MBD5: variants seen among roughly 807,000 people sequenced by gnomAD.
MBD5 encodes methyl-CpG binding domain protein 5, also known as methyl-CpG-binding domain protein 5.
A neutral mutation model predicts 117.3 loss-of-function variants in MBD5; 13 were observed. The ratio of observed to expected loss-of-function variants is 0.11; its 90% CI spans 0.07 to 0.18. MBD5 has a LOEUF of 0.18. Ranked by LOEUF, MBD5 falls within the 10% of genes least tolerant of loss-of-function variation. The pLI is 1.00. For synonymous variants in MBD5, 727 were observed against 766.4 expected (o/e 0.95, Z 0.85); for missense variants, 1,879 against 2,093.8 (o/e 0.90, Z 2.00).
At chr2:148,195,188 A>G (rs964699348) in intron 2 of MBD5, among the ~76,000 whole-genome samples, 2 of 151,578 alleles carry the variant, frequency 1.3e-5, no homozygotes, top group African/African-American at 4.9e-5. Context: ...TAAATATAAA[A>G]ACACAGGTAG....
At chr2:148,234,404 A>G (rs2106156427) in intron 3 of MBD5, among the ~76,000 whole-genome samples, 1 of 152,282 alleles carries the variant, frequency 6.6e-6, no homozygotes, top group South Asian at 2.1e-4. Context: ...CCCAGTGTAG[A>G]GATTCTGAGT....
chr2:148,198,636 T>C (rs2105941571), intron 2 of MBD5, among the ~76,000 whole-genome samples: 1 of 152,252 alleles, frequency 6.6e-6, no homozygotes, highest in South Asian at 2.1e-4. Flanking sequence ...TTTGATTTCA[T>C]TCTATGAAAG....
At chr2:148,368,093 T>C (rs976087139) in intron 4 of MBD5, among the ~76,000 whole-genome samples, 3 of 152,174 alleles carry the variant, frequency 2.0e-5, no homozygotes, top group African/African-American at 7.2e-5. Context: ...TCGTCAGTGA[T>C]AGACTGGATT....
At chr2:148,262,243 A>G (rs1010049925) in intron 3 of MBD5, among the ~76,000 whole-genome samples, 3 of 152,158 alleles carry the variant, frequency 2.0e-5, no homozygotes, top group African/African-American at 7.2e-5. Flanking sequence ...AAGAGCAAAA[A>G]AACAAGGTGT....
intron 1 of MBD5, among the ~76,000 whole-genome samples, chr2:148,100,334 A>G (rs1049002165): frequency 5.3e-5 from 8 of 152,172 alleles, no homozygotes; most frequent in African/African-American, 1.9e-4. Flanking sequence ...GTATACTCAG[A>G]TTTTCCTATA....
chr2:148,061,675 A>G (rs532309928), intron 1 of MBD5, among the ~76,000 whole-genome samples: 8 of 151,928 alleles, frequency 5.3e-5, no homozygotes, highest in Non-Finnish European at 1.2e-4. Flanking sequence ...TACTTTGTCA[A>G]CATCTCTATT....
chr2:148,060,386 AAAAG>A (rs1000741138), intron 1 of MBD5, among the ~76,000 whole-genome samples: 1 of 152,090 alleles, frequency 6.6e-6, no homozygotes, highest in Admixed American at 6.5e-5. Context: ...TGTAAAAAAA[AAAAG>A]AACAAATTTT....
chr2:148,469,924 C>A lies in MBD5; in HGVS notation c.1981C>A (p.Gln661Lys). 2.5e-6 allele frequency: 4 copies of A among 1,613,968 alleles called. No homozygotes were observed. The highest frequency in any genetic ancestry group is 3.4e-6 in the Non-Finnish European group (4 of 1,179,898). The change falls in exon 8 of 14, where the codon CAA (glutamine) becomes AAA (lysine). Residue 661 changes from glutamine to lysine, a missense_variant. Transcript: ENST00000642680. The stretch of plus-strand genomic sequence containing the variant: ...AAAAGACGCATTGCGGAAAAGAAAA[C>A]AACCACCTACGACAGTGTTGAGTTT... Reference protein sequence around the residue: ...QQKDALRKRKQPPTTVLSLLR... With the variant: ...QQKDALRKRKKPPTTVLSLLR...
At chr2:148,377,200 G>A (rs973994812) in intron 4 of MBD5, among the ~76,000 whole-genome samples, 3 of 152,094 alleles carry the variant, frequency 2.0e-5, no homozygotes, top group Admixed American at 6.6e-5. Flanking sequence ...GGAGTCGGAT[G>A]TTCAAAGGCA....
intron 3 of MBD5, among the ~76,000 whole-genome samples, chr2:148,288,399 CA>C (rs569673565): frequency 0.023 from 862 of 37,776 alleles, 125 homozygotes; most frequent in African/African-American, 0.065. Context: ...GACTCCGTCT[CA>C]AAAAAAAAAA....
intron 10 of MBD5, among the ~76,000 whole-genome samples, chr2:148,488,911 TG>T (rs1211386294): frequency 6.6e-6 from 1 of 150,394 alleles, no homozygotes; most frequent in Non-Finnish European, 1.5e-5. Flanking sequence ...GGAGTTTATA[TG>T]TTTTTTTAAA....
At chr2:148,125,425 TGG>T (rs1696865775) in intron 1 of MBD5, among the ~76,000 whole-genome samples, 1 of 152,212 alleles carries the variant, frequency 6.6e-6, no homozygotes, top group African/African-American at 2.4e-5. Flanking sequence ...ATTATGAAAA[TGG>T]AATCATGGTT....
intron 8 of MBD5, among the ~76,000 whole-genome samples, chr2:148,478,938 G>A (rs1867845): frequency 0.87 from 132,485 of 152,188 alleles, 58,637 homozygotes; most frequent in South Asian, 0.98. Context: ...TATCTTGGCT[G>A]CAAAAACAAA....
At chr2:148,217,320 T>G (rs1206636184) in intron 2 of MBD5, among the ~76,000 whole-genome samples, 4 of 152,100 alleles carry the variant, frequency 2.6e-5, no homozygotes, top group Non-Finnish European at 5.9e-5. Context: ...TCAGCTGTGA[T>G]GGTAGCAAGA....
intron 4 of MBD5, among the ~76,000 whole-genome samples, chr2:148,451,989 G>A (rs62184048): frequency 0.017 from 2,580 of 152,130 alleles, 36 homozygotes; most frequent in Non-Finnish European, 0.024. Context: ...CATCCACTGA[G>A]CACAAGATCA....
chr2:148,303,076 G>T (rs1413715769), intron 3 of MBD5, among the ~76,000 whole-genome samples: 20 of 151,958 alleles, frequency 1.3e-4, no homozygotes, highest in Non-Finnish European at 4.4e-5. Context: ...AATAATGATT[G>T]CAGATTGCCA....
intron 4 of MBD5, among the ~76,000 whole-genome samples, chr2:148,368,052 A>G (rs1703752917): frequency 6.6e-6 from 1 of 152,180 alleles, no homozygotes; most frequent in Non-Finnish European, 1.5e-5. Flanking sequence ...CATTATTCAC[A>G]ATGGCAAAGA....
chr2:148,442,192 CAG>C (rs1225284167), intron 4 of MBD5, among the ~76,000 whole-genome samples: 5 of 151,398 alleles, frequency 3.3e-5, no homozygotes. Flanking sequence ...TATTTTAAAT[CAG>C]AGACTGTATT....
chr2:148,256,635 C>T lies in MBD5; in HGVS notation c.-680+23240C>T, dbSNP rs756874204. On this transcript the variant is annotated intron_variant, in intron 3 of 13. Transcript: ENST00000642680. ...AGCCCATTGGCTACTTTGTCCACAC[C>T]GGGTTTCAAACCATATGGTGTCAGT... is the stretch of plus-strand genomic sequence containing the variant. 4.6e-5 allele frequency among the ~76,000 whole-genome samples: 7 copies of T among 152,216 alleles called. No homozygotes were observed. In the South Asian group the frequency reaches 6.2e-4, roughly 14 times the overall value.
Sources: allele counts gnomAD v4.1 joint callset (sites outside exome capture counted in the v4.1 genomes callset), GRCh38; gene constraint gnomAD v4.1.1; transcripts MANE v1.5; gene names NCBI Gene and HGNC (gene_info 2026-07-23, HGNC 2026-07-21).